NUAK1: variants seen among roughly 807,000 people sequenced by gnomAD.
NUAK1 encodes the protein NUAK family kinase 1.
Under a neutral mutation model 56.9 loss-of-function variants are expected in NUAK1, and 26 were observed. The ratio of observed to expected loss-of-function variants is 0.46; its 90% CI spans 0.33 to 0.63. NUAK1 has a LOEUF of 0.63. Among genes scored for constraint, NUAK1 ranks in the 30% least tolerant of loss-of-function variants. The pLI is 0.02. For missense variants in NUAK1, 727 were observed against 876.1 expected (o/e 0.83, Z 2.15); for synonymous variants, 337 against 336.0 (o/e 1.00, Z -0.03).
intron 5 of NUAK1, among the ~76,000 whole-genome samples, chr12:106,071,311 G>A (rs901552441): frequency 2.6e-5 from 4 of 152,176 alleles, no homozygotes; most frequent in Non-Finnish European, 5.9e-5. Context: ...ACTGGGATGC[G>A]GGGCTCTTCA....
At chr12:106,078,536 T>A (rs765534181) in intron 4 of NUAK1, among the ~76,000 whole-genome samples, 4 of 152,124 alleles carry the variant, frequency 2.6e-5, no homozygotes, top group Non-Finnish European at 5.9e-5. Flanking sequence ...AGCAATTCCA[T>A]CCAGGAAGGT....
chr12:106,072,662 T>A (rs1457433912), intron 5 of NUAK1, 62 bp downstream of exon 5: 1 of 1,532,772 alleles, frequency 6.5e-7, no homozygotes, highest in Non-Finnish European at 8.9e-7. Flanking sequence ...ATCCAGTTTT[T>A]GCCCTTCCTC....
chr12:106,119,318 C>T (rs1161439533), intron 1 of NUAK1, among the ~76,000 whole-genome samples: 1 of 133,828 alleles, frequency 7.5e-6, no homozygotes, highest in East Asian at 2.5e-4. Flanking sequence ...ACTGAGTGAC[C>T]CCGACCAGCC....
intron 6 of NUAK1, among the ~76,000 whole-genome samples, chr12:106,068,648 C>T (rs925127015): frequency 6.6e-6 from 1 of 152,220 alleles, no homozygotes; most frequent in Non-Finnish European, 1.5e-5. Flanking sequence ...CCATTCACAG[C>T]CTGTCTGGAA....
chr12:106,107,895 C>T (rs1399743109), intron 1 of NUAK1, among the ~76,000 whole-genome samples: 1 of 152,226 alleles, frequency 6.6e-6, no homozygotes, highest in East Asian at 1.9e-4. Flanking sequence ...TTCTCCTTTG[C>T]AGTCCTTACC....
intron 4 of NUAK1, among the ~76,000 whole-genome samples, chr12:106,079,980 G>A (rs1223099784): frequency 1.3e-5 from 2 of 152,212 alleles, no homozygotes; most frequent in African/African-American, 4.8e-5. Context: ...GCCCAGAAAA[G>A]ACGTTCAATT....
At chr12:106,069,226 C>T (rs1246243406) in intron 6 of NUAK1, among the ~76,000 whole-genome samples, 1 of 152,168 alleles carries the variant, frequency 6.6e-6, no homozygotes, top group Non-Finnish European at 1.5e-5. Context: ...TTTGCATATG[C>T]ACAGAGCAGC....
At position 106,066,838 on chromosome 12, in the gene NUAK1, G is replaced by A; in HGVS notation, c.1950C>T (p.Tyr650=). Residue 650 remains tyrosine (Y), a synonymous_variant, in exon 7 of 7, where the codon TAC becomes TAT. Transcript: ENST00000261402. The part of the protein sequence containing the change: ...LTDMDDVTQV[Y]KQALEICSKL... Reference sequence around the variant, plus strand: ...TGCTGCAGATCTCCAGCGCTTGCTTGTAGACCTGAGTCACATCATCCATGT... The same window carrying A: ...TGCTGCAGATCTCCAGCGCTTGCTTATAGACCTGAGTCACATCATCCATGT... The A allele has an allele frequency of 1.2e-6, 2 of 1,613,956 alleles. No individual in the cohort carries two copies. The highest frequency in any genetic ancestry group is 2.2e-5 in the South Asian group (2 of 91,076).
At chr12:106,134,087 G>A (rs1342970569) in intron 1 of NUAK1, among the ~76,000 whole-genome samples, 2 of 152,220 alleles carry the variant, frequency 1.3e-5, no homozygotes, top group East Asian at 3.9e-4. Flanking sequence ...ACCAAGAATC[G>A]GGTTTCTAAG....
At chr12:106,108,471 C>A (rs553757372) in intron 1 of NUAK1, among the ~76,000 whole-genome samples, 1 of 151,728 alleles carries the variant, frequency 6.6e-6, no homozygotes, top group Non-Finnish European at 1.5e-5. Flanking sequence ...TCACCACAGC[C>A]CCATTCAGTA....
At chr12:106,091,640 A>C (rs2032637100) in intron 2 of NUAK1, among the ~76,000 whole-genome samples, 1 of 152,196 alleles carries the variant, frequency 6.6e-6, no homozygotes, top group African/African-American at 2.4e-5. Flanking sequence ...CAGGTGAGTC[A>C]CACAGGCAAC....
At chr12:106,112,503 C>A (rs2032871346) in intron 1 of NUAK1, among the ~76,000 whole-genome samples, 1 of 152,168 alleles carries the variant, frequency 6.6e-6, no homozygotes, top group African/African-American at 2.4e-5. Context: ...TGGCCGAGGA[C>A]AGTCACCACG....
chr12:106,112,639 G>C (rs2032873733), intron 1 of NUAK1, among the ~76,000 whole-genome samples: 1 of 152,180 alleles, frequency 6.6e-6, no homozygotes, highest in Non-Finnish European at 1.5e-5. Context: ...GGCCCCATGG[G>C]AACCAAGCCA....
intron 5 of NUAK1, among the ~76,000 whole-genome samples, chr12:106,071,264 G>GTTTC (rs1565918341): frequency 1.3e-5 from 2 of 152,222 alleles, no homozygotes; most frequent in African/African-American, 4.8e-5. Context: ...AACCTAAATG[G>GTTTC]TTTCTCCAGA....
chr12:106,114,871 G>C (rs968549191), intron 1 of NUAK1, among the ~76,000 whole-genome samples: 5 of 152,190 alleles, frequency 3.3e-5, no homozygotes, highest in Admixed American at 3.3e-4. Context: ...GGGAGTGGCA[G>C]ATACTCTTCA....
chr12:106,085,462 A>C (rs1243961313), intron 3 of NUAK1, among the ~76,000 whole-genome samples: 1 of 152,210 alleles, frequency 6.6e-6, no homozygotes, highest in Non-Finnish European at 1.5e-5. Flanking sequence ...AGGAGGCCCC[A>C]TGTTGAGATC....
chr12:106,108,805 G>C (rs1338907840), intron 1 of NUAK1, among the ~76,000 whole-genome samples: 3 of 152,062 alleles, frequency 2.0e-5, no homozygotes, highest in Admixed American at 6.6e-5. Context: ...CATTCTAAAG[G>C]GTAAAAAAAT....
At chr12:106,086,908 C>T (rs970417435) in intron 2 of NUAK1, 23 bp from the exon 3 acceptor site, 1 of 1,600,350 alleles carries the variant, frequency 6.2e-7, no homozygotes, top group South Asian at 1.1e-5. Flanking sequence ...AACAGCAATA[C>T]ACAAACACCC....
intron 1 of NUAK1, among the ~76,000 whole-genome samples, chr12:106,131,026 T>G (rs746903807): frequency 6.6e-6 from 1 of 152,182 alleles, no homozygotes; most frequent in Non-Finnish European, 1.5e-5. Flanking sequence ...GGGCTCTCTA[T>G]GTTGACCATG....
Sources: gnomAD v4.1 joint callset for allele counts (sites outside exome capture counted in the v4.1 genomes callset) on GRCh38, gnomAD v4.1.1 for gene constraint, MANE v1.5 for transcripts, NCBI Gene and HGNC (gene_info 2026-07-23, HGNC 2026-07-21) for gene names.